The following RBFOX1 variants were observed in gnomAD, a reference collection of about 807,000 sequenced individuals.
RBFOX1 encodes the protein RNA binding protein fox-1 homolog 1.
Under a neutral mutation model 57.7 loss-of-function variants are expected in RBFOX1, and 8 were observed. That is an observed-to-expected ratio of 0.14 (90% CI 0.08 to 0.25). The LOEUF (loss-of-function observed/expected upper bound fraction) is 0.25, where lower values mean the gene tolerates loss of function less well. RBFOX1 is among the 10% of genes least tolerant of loss of function. The pLI is 1.00. For synonymous variants in RBFOX1, 326 were observed against 222.4 expected (o/e 1.47, Z -4.15); for missense variants, 611 against 548.5 (o/e 1.11, Z -1.14).
intron 3 of RBFOX1, among the ~76,000 whole-genome samples, chr16:6,926,474 G>A (rs768796355): frequency 5.9e-5 from 9 of 152,192 alleles, no homozygotes; most frequent in Non-Finnish European, 8.8e-5. Flanking sequence ...AGTAGGTTCA[G>A]TGGGTTGATT....
intron 5 of RBFOX1, among the ~76,000 whole-genome samples, chr16:7,545,394 C>T (rs537862070): frequency 1.1e-3 from 160 of 152,172 alleles, no homozygotes; most frequent in East Asian, 2.3e-3. Flanking sequence ...TTATATTCTT[C>T]GGGGGGCTTT....
chr16:6,883,715 T>G lies in RBFOX1; in HGVS notation c.-15-168342T>G, dbSNP rs189335388. ...TGTTCAAATATGAGATAAAATAGTTTCTAAGAATGATAGAGTCCAAAAGTT... is the reference window on the plus strand; with the variant it reads ...TGTTCAAATATGAGATAAAATAGTTGCTAAGAATGATAGAGTCCAAAAGTT... On this transcript the variant is annotated intron_variant, in intron 3 of 15. Coordinates refer to ENST00000550418, the MANE Select transcript of RBFOX1 (RefSeq NM_018723.4). Among the ~76,000 whole-genome samples, 140 of 152,316 alleles carry G rather than the reference T, an allele frequency of 9.2e-4. 3 individuals carry two copies. Among genetic ancestry groups the G allele is most frequent in the Admixed American group, 5.4e-3 (83 of 15,296 alleles).
intron 4 of RBFOX1, among the ~76,000 whole-genome samples, chr16:7,397,174 A>G (rs1462800061): frequency 2.0e-5 from 3 of 152,226 alleles, no homozygotes; most frequent in African/African-American, 4.8e-5. Context: ...AAATGTTACC[A>G]TCTTTATCTT....
chr16:6,990,631 A>G (rs976585214), intron 3 of RBFOX1, among the ~76,000 whole-genome samples: 2 of 152,156 alleles, frequency 1.3e-5, no homozygotes, highest in Non-Finnish European at 2.9e-5. Context: ...CATTGGTGCA[A>G]AAGTAATTGT....
chr16:7,120,686 A>C (rs1299016693), intron 4 of RBFOX1, among the ~76,000 whole-genome samples: 2 of 130,668 alleles, frequency 1.5e-5, no homozygotes, highest in Non-Finnish European at 3.3e-5. Flanking sequence ...CCAAACATTT[A>C]ATGTTGGGAA....
intron 4 of RBFOX1, among the ~76,000 whole-genome samples, chr16:7,287,403 T>A (rs2095671250): frequency 6.6e-6 from 1 of 152,112 alleles, no homozygotes; most frequent in Non-Finnish European, 1.5e-5. Flanking sequence ...GCCAGGGTGC[T>A]CTCTTTCTCT....
intron 3 of RBFOX1, among the ~76,000 whole-genome samples, chr16:5,661,651 G>A (rs1488303352): frequency 1.3e-5 from 2 of 152,170 alleles, no homozygotes; most frequent in Admixed American, 6.5e-5. Context: ...TTAACACGTT[G>A]GTCCTCACCC....
chr16:5,817,248 T>TA (rs755319581), intron 3 of RBFOX1, among the ~76,000 whole-genome samples: 94 of 152,284 alleles, frequency 6.2e-4, no homozygotes, highest in South Asian at 2.5e-3. Flanking sequence ...ATTACGGTAA[T>TA]TAAACACAGG....
intron 4 of RBFOX1, among the ~76,000 whole-genome samples, chr16:7,324,523 C>T (rs1169843736): frequency 6.6e-6 from 1 of 152,178 alleles, no homozygotes; most frequent in Non-Finnish European, 1.5e-5. Context: ...GTCATTCATC[C>T]CCAGACAGGT....
At chr16:6,861,288 A>T (rs1225897323) in intron 3 of RBFOX1, among the ~76,000 whole-genome samples, 1 of 152,170 alleles carries the variant, frequency 6.6e-6, no homozygotes, top group Non-Finnish European at 1.5e-5. Flanking sequence ...AGGGTTTTAT[A>T]CAAAAACAAG....
chr16:6,720,102 AAAAT>A (rs946826823), intron 3 of RBFOX1, among the ~76,000 whole-genome samples: 5 of 152,212 alleles, frequency 3.3e-5, no homozygotes, highest in South Asian at 2.1e-4. Flanking sequence ...TGAAAAGAAT[AAAAT>A]AAATAAATAA....
At chr16:6,614,619 G>A (rs987362554) in intron 2 of RBFOX1, among the ~76,000 whole-genome samples, 12 of 152,134 alleles carry the variant, frequency 7.9e-5, no homozygotes, top group Non-Finnish European at 1.8e-4. Flanking sequence ...GGGCAGGCTT[G>A]GTTCCTTCTG....
chr16:7,127,712 G>A (rs1268292169), intron 4 of RBFOX1, among the ~76,000 whole-genome samples: 1 of 152,178 alleles, frequency 6.6e-6, no homozygotes, highest in Admixed American at 6.5e-5. Flanking sequence ...AGGACTTTGG[G>A]TTGTATATGC....
chr16:7,421,562 G>T (rs952135653), intron 4 of RBFOX1, among the ~76,000 whole-genome samples: 1 of 152,202 alleles, frequency 6.6e-6, no homozygotes, highest in African/African-American at 2.4e-5. Context: ...TGCTCTGAGC[G>T]TACCTAACCT....
At chr16:5,373,316 G>A (rs745711430) in intron 1 of RBFOX1, among the ~76,000 whole-genome samples, 7 of 152,168 alleles carry the variant, frequency 4.6e-5, no homozygotes, top group African/African-American at 1.4e-4. Context: ...ATTTCGTGTC[G>A]AATTGTAATC....
intron 3 of RBFOX1, among the ~76,000 whole-genome samples, chr16:6,739,363 G>C (rs1401184109): frequency 1.3e-5 from 2 of 152,074 alleles, no homozygotes; most frequent in Non-Finnish European, 2.9e-5. Context: ...TTACTCATTT[G>C]AGAGCTTAAA....
chr16:6,901,495 C>T (rs543032729), intron 3 of RBFOX1, among the ~76,000 whole-genome samples: 5 of 152,248 alleles, frequency 3.3e-5, no homozygotes, highest in African/African-American at 7.2e-5. Flanking sequence ...CCATGACTCT[C>T]GACCTGGAAT....
At chr16:7,245,883 C>T (rs1237275332) in intron 4 of RBFOX1, among the ~76,000 whole-genome samples, 2 of 152,160 alleles carry the variant, frequency 1.3e-5, no homozygotes, top group African/African-American at 2.4e-5. Context: ...TTAATCCCTA[C>T]AGTCTTGCAA....
At chr16:6,869,488 G>A (rs1241650883) in intron 3 of RBFOX1, among the ~76,000 whole-genome samples, 1 of 150,022 alleles carries the variant, frequency 6.7e-6, no homozygotes, top group Non-Finnish European at 1.5e-5. Context: ...TTTTTTTAAT[G>A]TAAATGCCCT....
Sources: allele counts gnomAD v4.1 joint callset (sites outside exome capture counted in the v4.1 genomes callset), GRCh38; gene constraint gnomAD v4.1.1; transcripts MANE v1.5; gene names NCBI Gene and HGNC (gene_info 2026-07-23, HGNC 2026-07-21).